CCDC169: variants seen among roughly 807,000 people sequenced by gnomAD.
CCDC169 encodes the protein coiled-coil domain-containing protein 169.
In CCDC169, 30 loss-of-function variants were observed where a neutral mutation model predicts 36.0. The ratio of observed to expected loss-of-function variants is 0.83; its 90% CI spans 0.62 to 1.13. CCDC169 has a LOEUF of 1.13. Ranked by LOEUF, CCDC169 falls within the 50% of genes most tolerant of loss-of-function variation. CCDC169 has a pLI of 0.00. For synonymous variants in CCDC169, 85 were observed against 81.5 expected (o/e 1.04, Z -0.23); for missense variants, 245 against 245.9 (o/e 1.00, Z 0.03).
chr13:36,293,479 A>G (rs1272432580), intron 2 of CCDC169, among the ~76,000 whole-genome samples: 1 of 152,170 alleles, frequency 6.6e-6, no homozygotes, highest in Non-Finnish European at 1.5e-5. Context: ...CTACCTCTCC[A>G]GTCCCTTGAA....
chr13:36,233,166 T>C (rs1425186344), intron 7 of CCDC169, among the ~76,000 whole-genome samples: 1 of 152,212 alleles, frequency 6.6e-6, no homozygotes, highest in East Asian at 1.9e-4. Context: ...GATTTATTGA[T>C]GCTAGGCATT....
intron 7 of CCDC169, among the ~76,000 whole-genome samples, chr13:36,238,918 G>T (rs1871402056): frequency 6.6e-6 from 1 of 152,080 alleles, no homozygotes; most frequent in African/African-American, 2.4e-5. Flanking sequence ...AGAGGAAAAA[G>T]AACATATATT....
chr13:36,251,854 A>G (rs1328635), intron 6 of CCDC169, among the ~76,000 whole-genome samples: 61,610 of 152,002 alleles, frequency 0.41, 13,275 homozygotes, highest in Non-Finnish European at 0.48. Flanking sequence ...ATCAGAAAAG[A>G]AACACAGGAA....
At position 36,297,677 on chromosome 13, in the gene CCDC169, T is replaced by C; in HGVS notation, c.43A>G (p.Asn15Asp). 6.4e-7 allele frequency: 1 copy of C among 1,551,384 alleles called. No individual in the cohort carries two copies. Among genetic ancestry groups the C allele is most frequent in the Non-Finnish European group, 8.7e-7 (1 of 1,147,000 alleles). The change falls in exon 1 of 8, where the codon AAC (asparagine) becomes GAC (aspartate). Residue 15 changes from asparagine (N) to aspartate (D), a missense_variant. Coordinates refer to ENST00000239859, the MANE Select transcript of CCDC169 (RefSeq NM_001144981.3). ...RNYNFDGVST[N>D]RLKQQLLEEV... The stretch of plus-strand genomic sequence containing the variant: ...TCCAGCAACTGCTGTTTCAGGCGGT[T>C]GGTGCTCACACCGTCGAAGTTGTAG...
intron 4 of CCDC169, among the ~76,000 whole-genome samples, chr13:36,259,153 G>A (rs1211862943): frequency 2.0e-5 from 3 of 152,176 alleles, no homozygotes; most frequent in Non-Finnish European, 4.4e-5. Flanking sequence ...AAAGTGATGA[G>A]AGCCGCCATG....
At chr13:36,257,649 G>A in intron 4 of CCDC169, among the ~76,000 whole-genome samples, 1 of 151,454 alleles carries the variant, frequency 6.6e-6, no homozygotes, top group South Asian at 2.1e-4. Flanking sequence ...GTTGTAGTGA[G>A]CCAAGATCAC....
chr13:36,245,129 C>T (rs1594012164), intron 7 of CCDC169, among the ~76,000 whole-genome samples: 1 of 152,168 alleles, frequency 6.6e-6, no homozygotes, highest in East Asian at 1.9e-4. Flanking sequence ...AGCTGATTCA[C>T]ATGTTGGCTT....
chr13:36,229,597 G>A (rs1183569496), downstream of CCDC169, among the ~76,000 whole-genome samples: 3 of 145,458 alleles, frequency 2.1e-5, no homozygotes, highest in East Asian at 6.0e-4. Context: ...GAGTGCAGTG[G>A]CATGATCTCA....
downstream of CCDC169, chr13:36,227,217 G>A (rs1469344508): frequency 1.3e-6 from 2 of 1,547,698 alleles, no homozygotes; most frequent in Admixed American, 4.0e-5. Flanking sequence ...CTTCAGGTGA[G>A]TCTGACACAC....
chr13:36,222,806 A>G (rs1219932527), downstream of CCDC169: 1 of 148,210 alleles, frequency 6.7e-6, no homozygotes, highest in African/African-American at 2.5e-5. Flanking sequence ...CCAGAAACAG[A>G]CTGAGAAATG....
At chr13:36,250,626 G>A (rs1243752933) in intron 6 of CCDC169, among the ~76,000 whole-genome samples, 1 of 152,144 alleles carries the variant, frequency 6.6e-6, no homozygotes, top group Non-Finnish European at 1.5e-5. Flanking sequence ...AAATACCTGG[G>A]CAGTCTGGAA....
intron 4 of CCDC169, chr13:36,280,206 C>T (rs1877329279): frequency 6.6e-6 from 1 of 152,050 alleles, no homozygotes; most frequent in African/African-American, 2.4e-5. Flanking sequence ...ATACCAAATT[C>T]ATGGTAGTCC....
chr13:36,271,581 A>C lies in CCDC169; in HGVS notation c.315+11888T>G, dbSNP rs58017509. On this transcript the variant is annotated intron_variant, in intron 4 of 7. Coordinates refer to ENST00000239859, the MANE Select transcript of CCDC169 (RefSeq NM_001144981.3). ...ACCATGGAATACTACTCAGGCATTAAAAGGAATGAAATAATGTCTTTTGCA... is the reference window on the plus strand; with the variant it reads ...ACCATGGAATACTACTCAGGCATTACAAGGAATGAAATAATGTCTTTTGCA... Among the ~76,000 whole-genome samples the C allele has an allele frequency of 1.3e-3, 199 of 152,306 alleles. 1 individual carries two copies. The highest frequency in any genetic ancestry group is 4.5e-3 in the African/African-American group (187 of 41,556).
intron 2 of CCDC169, among the ~76,000 whole-genome samples, chr13:36,285,237 T>C (rs905257209): frequency 5.3e-5 from 8 of 152,198 alleles, no homozygotes; most frequent in African/African-American, 1.9e-4. Context: ...AAGTCAATCA[T>C]CAAATTTAAT....
At chr13:36,292,873 A>C (rs1033576439) in intron 2 of CCDC169, among the ~76,000 whole-genome samples, 1 of 152,152 alleles carries the variant, frequency 6.6e-6, no homozygotes, top group African/African-American at 2.4e-5. Flanking sequence ...AGTAGGTGCA[A>C]GTAGGTAGGA....
At position 36,253,804 on chromosome 13, in the gene CCDC169, T is replaced by G. The variant is rs749890264; in HGVS notation, c.467A>C (p.Gln156Pro). ...ERRTYLAEMS[Q>P]GSGLHQVSKR... Reference sequence around the variant, plus strand: ...AATTTGGAAATAAAAAAGAGTTACCTGAGACATTTCAGCTAGGTATGTACG... The same window carrying G: ...AATTTGGAAATAAAAAAGAGTTACCGGAGACATTTCAGCTAGGTATGTACG... Residue 156 changes from glutamine (Q) to proline (P), a missense_variant and splice_region_variant, in exon 6 of 8, where the codon CAG becomes CCG. By Grantham distance (76) the Gln-to-Pro change is moderately conservative. Transcript: ENST00000239859. 2 of 1,548,710 alleles carry G rather than the reference T, an allele frequency of 1.3e-6. No homozygotes were observed. The highest frequency in any genetic ancestry group is 4.9e-5 in the East Asian group (2 of 40,878).
At chr13:36,253,987 T>C in intron 5 of CCDC169, 58 bp downstream of exon 5, 1 of 1,528,622 alleles carries the variant, frequency 6.5e-7, no homozygotes, top group South Asian at 1.2e-5. Context: ...GGTTTGTAGA[T>C]AACATTAGAA....
chr13:36,246,593 T>G (rs190066907), intron 7 of CCDC169, among the ~76,000 whole-genome samples: 5 of 152,342 alleles, frequency 3.3e-5, no homozygotes, highest in African/African-American at 9.6e-5. Flanking sequence ...CTTCATAACA[T>G]AAAAATGCCA....
At chr13:36,286,438 T>C (rs1243247198) in intron 2 of CCDC169, among the ~76,000 whole-genome samples, 1 of 152,138 alleles carries the variant, frequency 6.6e-6, no homozygotes, top group East Asian at 1.9e-4. Flanking sequence ...TTTGTTTGTA[T>C]TTGCTGCACC....
Sources: gnomAD v4.1 joint callset for allele counts (sites outside exome capture counted in the v4.1 genomes callset) on GRCh38, gnomAD v4.1.1 for gene constraint, MANE v1.5 for transcripts, NCBI Gene and HGNC (gene_info 2026-07-23, HGNC 2026-07-21) for gene names.